Variants in NRP1 observed in about 807,000 individuals in gnomAD.
The protein encoded by NRP1 is neuropilin 1.
Under a neutral mutation model 106.7 loss-of-function variants are expected in NRP1, and 35 were observed. The observed-to-expected ratio is 0.33, with a 90% CI of 0.25 to 0.43. The LOEUF (loss-of-function observed/expected upper bound fraction) is 0.43, where lower values mean the gene tolerates loss of function less well. Ranked by LOEUF, NRP1 falls within the 20% of genes least tolerant of loss-of-function variation. The pLI is 1.00. For synonymous variants in NRP1, 437 were observed against 417.9 expected (o/e 1.05, Z -0.56); for missense variants, 1,024 against 1,170.4 (o/e 0.87, Z 1.83).
chr10:33,309,387 CGAATGTCTTA>C (rs1846406290), intron 2 of NRP1, among the ~76,000 whole-genome samples: 1 of 152,168 alleles, frequency 6.6e-6, no homozygotes. Context: ...CATCTTGCTT[CGAATGTCTTA>C]GAATGTTCTG....
At chr10:33,230,520 A>G (rs898400035) in intron 6 of NRP1, among the ~76,000 whole-genome samples, 1 of 152,190 alleles carries the variant, frequency 6.6e-6, no homozygotes, top group Non-Finnish European at 1.5e-5. Flanking sequence ...AGCAACATTT[A>G]TCAGTGGAGA....
intron 2 of NRP1, among the ~76,000 whole-genome samples, chr10:33,322,930 A>G (rs948406614): frequency 2.6e-5 from 4 of 152,244 alleles, no homozygotes; most frequent in African/African-American, 9.6e-5. Context: ...TCACAAAGAC[A>G]GAAAGATTTG....
At chr10:33,248,233 C>G (rs921472903) in intron 6 of NRP1, among the ~76,000 whole-genome samples, 46 of 151,936 alleles carry the variant, frequency 3.0e-4, no homozygotes, top group Admixed American at 3.0e-3. Flanking sequence ...GAGGTTGCAG[C>G]GAGCCAAGAT....
At chr10:33,290,449 A>G (rs1241112165) in intron 2 of NRP1, among the ~76,000 whole-genome samples, 1 of 151,604 alleles carries the variant, frequency 6.6e-6, no homozygotes, top group Non-Finnish European at 1.5e-5. Flanking sequence ...GATTAATTCC[A>G]GTCGCCAGAT....
intron 3 of NRP1, among the ~76,000 whole-genome samples, chr10:33,269,836 C>A (rs555716719): frequency 6.6e-6 from 1 of 152,162 alleles, no homozygotes; most frequent in Non-Finnish European, 1.5e-5. Flanking sequence ...GAATCTAATG[C>A]CTGAGGATCT....
At chr10:33,303,724 C>G (rs1371134398) in intron 2 of NRP1, among the ~76,000 whole-genome samples, 1 of 152,176 alleles carries the variant, frequency 6.6e-6, no homozygotes, top group Non-Finnish European at 1.5e-5. Flanking sequence ...GACTGAGAAC[C>G]AACTTAGAAA....
intron 6 of NRP1, among the ~76,000 whole-genome samples, chr10:33,235,446 G>A (rs1373821899): frequency 2.0e-5 from 3 of 152,226 alleles, no homozygotes; most frequent in African/African-American, 7.2e-5. Flanking sequence ...GGCTCTGAAA[G>A]GCCTTTGTTT....
intron 6 of NRP1, among the ~76,000 whole-genome samples, chr10:33,242,788 C>T (rs557092004): frequency 1.3e-5 from 2 of 152,290 alleles, no homozygotes; most frequent in South Asian, 4.1e-4. Context: ...GATCTACCTG[C>T]ATCAGCTTTA....
At chr10:33,304,302 T>G (rs1455155040) in intron 2 of NRP1, among the ~76,000 whole-genome samples, 2 of 152,150 alleles carry the variant, frequency 1.3e-5, no homozygotes, top group Non-Finnish European at 2.9e-5. Flanking sequence ...ATGGACTATT[T>G]CACCACAGCA....
At chr10:33,283,761 C>G (rs1279464910) in intron 2 of NRP1, among the ~76,000 whole-genome samples, 1 of 152,040 alleles carries the variant, frequency 6.6e-6, no homozygotes, top group Non-Finnish European at 1.5e-5. Context: ...TTATATGGAC[C>G]TTAAGGAGTA....
intron 9 of NRP1, chr10:33,212,781 C>G (rs1200724812): frequency 1.9e-5 from 3 of 156,904 alleles, no homozygotes; most frequent in Non-Finnish European, 4.2e-5. Context: ...AGCAATTCTC[C>G]TGCTTCAGCC....
At position 33,213,676 on chromosome 10, in the gene NRP1, T is replaced by A. The variant is rs1487318606; in HGVS notation, c.1324A>T (p.Ile442Phe). Residue 442 changes from isoleucine to phenylalanine, a missense_variant, in exon 9 of 17, where the codon ATT becomes TTT. Physicochemically the swap from Ile to Phe is conservative, Grantham distance 21. Transcript: ENST00000374867. Reference protein sequence around the residue: ...SGMLGMVSGLISDSQITSSNQ... With the variant: ...SGMLGMVSGLFSDSQITSSNQ... ...GATGATGTGATCTGGGAGTCAGAAA[T>A]AAGTCCAGACACCATACCCAACATT... 5 of 1,612,624 alleles carry A rather than the reference T, an allele frequency of 3.1e-6. No homozygotes were observed. The highest frequency in any genetic ancestry group is 4.2e-6 in the Non-Finnish European group (5 of 1,179,372).
At position 33,226,123 on chromosome 10, in the gene NRP1, G is replaced by C; in HGVS notation, c.1137+11C>G. ...GACCAAATTGGTTGCCACGGTGGCA[G>C]CCTAACTTACAACAGGTTTGTTTCC... On this transcript the variant is annotated intron_variant, in intron 7 of 16. Transcript: ENST00000374867. 1 of 1,613,528 alleles carries C rather than the reference G, an allele frequency of 6.2e-7. No homozygotes were observed. Among genetic ancestry groups the C allele is most frequent in the South Asian group, 1.1e-5 (1 of 91,030 alleles).
intron 2 of NRP1, among the ~76,000 whole-genome samples, chr10:33,320,792 T>A (rs573780735): frequency 2.0e-5 from 3 of 152,290 alleles, no homozygotes; most frequent in Admixed American, 6.5e-5. Context: ...GAAATGTAAG[T>A]AAGACATGGT....
rs1368058685 is a variant in NRP1, at chr10:33,179,950, A to G, written c.*126T>C. On this transcript the variant is annotated 3_prime_UTR_variant, in exon 17 of 17. Transcript: ENST00000374867. ...TCGGCCATACTCATTGAAGCTCCTG[A>G]GAAAAGCCTGGCTCAGTGGTCATCA... 1.1e-6 allele frequency: 1 copy of G among 949,948 alleles called. No homozygotes were observed. The highest frequency in any genetic ancestry group is 1.6e-5 in the South Asian group (1 of 63,634). The allele number at this position is 949,948 out of a possible 1,614,324, so 58.8% of individuals were successfully genotyped here. A position where few individuals can be genotyped will look rare whatever the true frequency, so the allele number is the denominator to read the frequency against.
chr10:33,290,341 C>A (rs1478411563), intron 2 of NRP1, among the ~76,000 whole-genome samples: 5 of 140,658 alleles, frequency 3.6e-5, no homozygotes, highest in African/African-American at 1.3e-4. Flanking sequence ...GTCTTTGTTA[C>A]CAAGAGGTTT....
chr10:33,237,485 G>GCA (rs1554788811), intron 6 of NRP1, among the ~76,000 whole-genome samples: 1 of 130,094 alleles, frequency 7.7e-6, no homozygotes, highest in Non-Finnish European at 1.6e-5. Flanking sequence ...ACACATGCGC[G>GCA]CGCACACACA....
At chr10:33,319,987 G>A (rs932058030) in intron 2 of NRP1, among the ~76,000 whole-genome samples, 15 of 151,914 alleles carry the variant, frequency 9.9e-5, no homozygotes, top group Non-Finnish European at 2.2e-4. Flanking sequence ...AATAAATTCC[G>A]GACACAAGGG....
At chr10:33,284,999 CAG>C (rs569273407) in intron 2 of NRP1, among the ~76,000 whole-genome samples, 50 of 152,334 alleles carry the variant, frequency 3.3e-4, no homozygotes, top group African/African-American at 1.1e-3. Context: ...TTTGAGAAGA[CAG>C]AGATAAATTT....
Sources: gnomAD v4.1 joint callset for allele counts (sites outside exome capture counted in the v4.1 genomes callset) on GRCh38, gnomAD v4.1.1 for gene constraint, MANE v1.5 for transcripts, NCBI Gene and HGNC (gene_info 2026-07-23, HGNC 2026-07-21) for gene names.